Variants in CBR3 observed in about 807,000 individuals in gnomAD.
The protein encoded by CBR3 is carbonyl reductase 3.
A neutral mutation model predicts 11.6 loss-of-function variants in CBR3; 14 were observed. The ratio of observed to expected loss-of-function variants is 1.20; its 90% CI spans 0.79 to 1.88. CBR3 has a LOEUF of 1.88. Ranked by LOEUF, CBR3 falls within the 40% of genes most tolerant of loss-of-function variation. The pLI is 0.00. For missense variants in CBR3, 308 were observed against 357.3 expected (o/e 0.86, Z 1.11); for synonymous variants, 125 against 145.6 (o/e 0.86, Z 1.02).
chr21:36,137,990 C>A, intron 2 of CBR3, 58 bp downstream of exon 2: 1 of 919,392 alleles, frequency 1.1e-6, no homozygotes, highest in Non-Finnish European at 1.8e-6. Flanking sequence ...GGGCTACAGG[C>A]TTCCCGGAGC....
intron 2 of CBR3, among the ~76,000 whole-genome samples, chr21:36,139,385 T>TC (rs934830305): frequency 3.9e-4 from 22 of 56,394 alleles, no homozygotes; most frequent in Admixed American, 1.7e-3. Context: ...GCTTTTTCTT[T>TC]TTTTTTTTTT....
chr21:36,146,520 C>A lies in CBR3; in HGVS notation c.*8C>A. On this transcript the variant is annotated 3_prime_UTR_variant, in exon 3 of 3. Coordinates refer to ENST00000290354, the MANE Select transcript of CBR3 (RefSeq NM_001236.4). ...GTTGTGCAAAACTGGTAAACGTCTG[C>A]TTCGGAGCTTGCTGCTTAATAAATG... The A allele has an allele frequency of 6.4e-7, 1 of 1,572,472 alleles. No homozygotes were observed. The highest frequency in any genetic ancestry group is 1.8e-5 in the Admixed American group (1 of 54,300).
chr21:36,140,823 C>T (rs542132071), intron 2 of CBR3, among the ~76,000 whole-genome samples: 27 of 151,894 alleles, frequency 1.8e-4, no homozygotes, highest in South Asian at 1.5e-3. Flanking sequence ...CTGGCTAACA[C>T]GGTGAAACCC....
chr21:36,146,238 A>G lies in CBR3; in HGVS notation c.560A>G (p.Glu187Gly). Residue 187 changes from glutamate (E) to glycine (G), a missense_variant, in exon 3 of 3, where the codon GAA (glutamate) becomes GGA (glycine). By Grantham distance (98) the Glu-to-Gly change is moderately conservative. Transcript: ENST00000290354. ...EDTKNEVHER[E>G]GWPNSPYGVS... ...ACAAAAAATGAGGTGCATGAGAGGG[A>G]AGGCTGGCCCAACTCACCTTATGGG... 4 of 1,614,122 alleles carry G rather than the reference A, an allele frequency of 2.5e-6. No individual in the cohort carries two copies. Among genetic ancestry groups the G allele is most frequent in the Non-Finnish European group, 3.4e-6 (4 of 1,180,028 alleles).
chr21:36,140,773 C>G (rs988377131), intron 2 of CBR3, among the ~76,000 whole-genome samples: 1 of 151,876 alleles, frequency 6.6e-6, no homozygotes, highest in Admixed American at 6.6e-5. Context: ...TTTGGGAGGC[C>G]AAGGCAGGCA....
intron 2 of CBR3, 95 bp from the exon 3 acceptor site, chr21:36,145,981 A>C: frequency 5.1e-6 from 4 of 785,272 alleles, no homozygotes; most frequent in South Asian, 2.0e-5. Context: ...AAAAAAAAAA[A>C]CCTGCACCAA....
At chr21:36,144,839 C>T (rs1036955197) in intron 2 of CBR3, 1 of 152,014 alleles carries the variant, frequency 6.6e-6, no homozygotes, top group African/African-American at 2.4e-5. Flanking sequence ...TGTAGTGGCT[C>T]ACGCCTGTAA....
chr21:36,145,370 C>T (rs2065745797), intron 2 of CBR3, among the ~76,000 whole-genome samples: 1 of 152,070 alleles, frequency 6.6e-6, no homozygotes. Context: ...ATTCGTGTCA[C>T]CCAGGCTGGA....
intron 2 of CBR3, among the ~76,000 whole-genome samples, chr21:36,140,578 A>G (rs1027941791): frequency 3.3e-5 from 5 of 151,812 alleles, no homozygotes; most frequent in Admixed American, 2.6e-4. Flanking sequence ...CAAGGTATTA[A>G]GACACCTTTA....
intron 2 of CBR3, chr21:36,144,958 G>A (rs2065741805): frequency 1.3e-5 from 2 of 152,308 alleles, no homozygotes; most frequent in African/African-American, 4.8e-5. Flanking sequence ...ACAAAAATTA[G>A]CTGGGCGTGG....
chr21:36,139,922 C>T (rs928916615), intron 2 of CBR3, among the ~76,000 whole-genome samples: 3 of 146,800 alleles, frequency 2.0e-5, no homozygotes, highest in African/African-American at 7.7e-5. Flanking sequence ...GAGTCTCCCT[C>T]CGTCGCCCAG....
At chr21:36,135,968 C>T (rs188813979) in intron 1 of CBR3, among the ~76,000 whole-genome samples, 28 of 152,308 alleles carry the variant, frequency 1.8e-4, no homozygotes, top group Admixed American at 8.5e-4. Context: ...CGCGCTTGCC[C>T]TTGGTGGACT....
At chr21:36,140,830 A>G (rs1044663113) in intron 2 of CBR3, among the ~76,000 whole-genome samples, 6 of 151,854 alleles carry the variant, frequency 4.0e-5, no homozygotes, top group African/African-American at 1.5e-4. Context: ...ACACGGTGAA[A>G]CCCCATCTCT....
At chr21:36,140,765 T>C (rs2065701533) in intron 2 of CBR3, among the ~76,000 whole-genome samples, 1 of 152,076 alleles carries the variant, frequency 6.6e-6, no homozygotes, top group Non-Finnish European at 1.5e-5. Flanking sequence ...CCTAGCACTT[T>C]GGGAGGCCAA....
intron 1 of CBR3, 72 bp from the exon 2 acceptor site, chr21:36,137,753 G>C: frequency 1.2e-6 from 1 of 837,228 alleles, no homozygotes. Context: ...TTAGGAGTTA[G>C]GATCCACTTT....
At chr21:36,145,210 C>A (rs1034714791) in intron 2 of CBR3, 3 of 151,882 alleles carry the variant, frequency 2.0e-5, no homozygotes, top group South Asian at 2.1e-4. Flanking sequence ...GAAAGGGAGC[C>A]CCCCCTGTCA....
At chr21:36,135,534 G>A in intron 1 of CBR3, 53 bp downstream of exon 1, 1 of 1,497,158 alleles carries the variant, frequency 6.7e-7, no homozygotes, top group Non-Finnish European at 9.0e-7. Flanking sequence ...GGGTGCGGAG[G>A]TGGCCAGCCG....
chr21:36,146,411 G>C lies in CBR3; in HGVS notation c.733G>C (p.Glu245Gln). The stretch of plus-strand genomic sequence containing the variant: ...TGGGAAAGACAGCATCAGGACTGTG[G>C]AGGAGGGGGCTGAGACCCCTGTCTA... Reference protein sequence around the residue: ...MDGKDSIRTVEEGAETPVYLA... With the variant: ...MDGKDSIRTVQEGAETPVYLA... Residue 245 changes from glutamate to glutamine, a missense_variant, in exon 3 of 3, where the codon GAG (glutamate) becomes CAG (glutamine). By Grantham distance (29) the Glu-to-Gln change is conservative (BLOSUM62 2). Coordinates refer to ENST00000290354, the MANE Select transcript of CBR3 (RefSeq NM_001236.4). 1.2e-6 allele frequency: 2 copies of C among 1,614,220 alleles called. No individual in the cohort carries two copies. The highest frequency in any genetic ancestry group is 2.2e-5 in the South Asian group (2 of 91,082).
At chr21:36,135,912 G>A (rs558836267) in intron 1 of CBR3, among the ~76,000 whole-genome samples, 1 of 152,354 alleles carries the variant, frequency 6.6e-6, no homozygotes, top group African/African-American at 2.4e-5. Context: ...GATGCCCGGA[G>A]GCATTTGCTC....
Sources: allele counts gnomAD v4.1 joint callset (sites outside exome capture counted in the v4.1 genomes callset), GRCh38; gene constraint gnomAD v4.1.1; transcripts MANE v1.5; gene names NCBI Gene and HGNC (gene_info 2026-07-23, HGNC 2026-07-21).